CACNB4: variants seen among roughly 807,000 people sequenced by gnomAD.
CACNB4 encodes calcium voltage-gated channel auxiliary subunit beta 4.
A neutral mutation model predicts 71.2 loss-of-function variants in CACNB4; 32 were observed. The ratio of observed to expected loss-of-function variants is 0.45; its 90% CI spans 0.34 to 0.60. The LOEUF (loss-of-function observed/expected upper bound fraction) is 0.60, where lower values mean the gene tolerates loss of function less well. Ranked by LOEUF, CACNB4 falls within the 20% of genes least tolerant of loss-of-function variation. The pLI is 0.01. For synonymous variants in CACNB4, 231 were observed against 236.9 expected (o/e 0.97, Z 0.23); for missense variants, 464 against 647.9 (o/e 0.72, Z 3.08).
intron 2 of CACNB4, among the ~76,000 whole-genome samples, chr2:151,924,071 A>ATAT (rs2099859606): frequency 1.1e-5 from 1 of 94,682 alleles, no homozygotes; most frequent in Non-Finnish European, 2.7e-5. Context: ...CTATTCTGAA[A>ATAT]TCTTTTTTTT....
At chr2:152,017,433 C>A (rs1579135636) in intron 2 of CACNB4, among the ~76,000 whole-genome samples, 1 of 151,032 alleles carries the variant, frequency 6.6e-6, no homozygotes, top group Non-Finnish European at 1.5e-5. Context: ...ATGGGCCGGG[C>A]GCGGTGGCTC....
intron 2 of CACNB4, among the ~76,000 whole-genome samples, chr2:152,090,405 G>A (rs1385335795): frequency 6.6e-6 from 1 of 152,146 alleles, no homozygotes; most frequent in African/African-American, 2.4e-5. Flanking sequence ...TATAATCCCA[G>A]CACTTTGGGA....
chr2:151,885,090 C>T (rs2099849026), intron 2 of CACNB4, among the ~76,000 whole-genome samples: 2 of 152,200 alleles, frequency 1.3e-5, no homozygotes, highest in South Asian at 4.1e-4. Context: ...GCAAGGGTAG[C>T]ATAGATTTTC....
chr2:152,046,962 T>C (rs753482043), intron 2 of CACNB4, among the ~76,000 whole-genome samples: 4 of 152,156 alleles, frequency 2.6e-5, no homozygotes, highest in Admixed American at 6.6e-5. Context: ...TCAACATTAT[T>C]GAGATGGAGT....
chr2:151,970,569 T>C (rs537261156), intron 2 of CACNB4: 1 of 152,148 alleles, frequency 6.6e-6, no homozygotes, highest in East Asian at 1.9e-4. Context: ...ACACATAGTA[T>C]AGTGTACATG....
chr2:152,021,335 C>T (rs985136248), intron 2 of CACNB4, among the ~76,000 whole-genome samples: 2 of 152,056 alleles, frequency 1.3e-5, no homozygotes, highest in African/African-American at 4.8e-5. Flanking sequence ...CAGAAAAACA[C>T]ATAATCCATT....
chr2:151,833,123 A>AT lies in CACNB4; in HGVS notation c.*5995dup, dbSNP rs886054949. On this transcript the variant is annotated 3_prime_UTR_variant, in exon 14 of 14. Coordinates refer to ENST00000539935, the MANE Select transcript of CACNB4 (RefSeq NM_000726.5). ...AGAAAAAAAATTATTTGACAAAGGC[A>AT]TTTTTTATCCCACTTTGTCAATGGA... 16 of 152,154 alleles carry AT rather than the reference A, an allele frequency of 1.1e-4. No homozygotes were observed. Among genetic ancestry groups the AT allele is most frequent in the Non-Finnish European group, 1.0e-4 (7 of 67,968 alleles). 9.4% of individuals were successfully genotyped at this position (152,154 alleles called of 1,614,324 possible). A position where few individuals can be genotyped will look rare whatever the true frequency, so the allele number is the denominator to read the frequency against.
At chr2:152,068,033 G>A (rs1686446016) in intron 2 of CACNB4, among the ~76,000 whole-genome samples, 1 of 152,152 alleles carries the variant, frequency 6.6e-6, no homozygotes, top group Non-Finnish European at 1.5e-5. Flanking sequence ...CTGCAGCCAT[G>A]GGGCTGAAAA....
intron 2 of CACNB4, among the ~76,000 whole-genome samples, chr2:151,898,295 T>C (rs578147700): frequency 1.3e-5 from 2 of 152,370 alleles, no homozygotes; most frequent in East Asian, 1.9e-4. Flanking sequence ...TCAGCTGGGA[T>C]GGCTGTGGGT....
intron 2 of CACNB4, among the ~76,000 whole-genome samples, chr2:152,095,720 T>C (rs556250669): frequency 2.7e-4 from 41 of 152,312 alleles, no homozygotes; most frequent in African/African-American, 9.9e-4. Context: ...GGAGCAATAC[T>C]GGCTCACTGC....
At chr2:151,979,170 G>C (rs1206443508) in intron 2 of CACNB4, among the ~76,000 whole-genome samples, 1 of 152,092 alleles carries the variant, frequency 6.6e-6, no homozygotes, top group East Asian at 1.9e-4. Flanking sequence ...TCATGCCAAA[G>C]AGGCAAAAGA....
chr2:152,022,411 A>C (rs1042550684), intron 2 of CACNB4, among the ~76,000 whole-genome samples: 14 of 152,358 alleles, frequency 9.2e-5, no homozygotes, highest in African/African-American at 3.1e-4. Context: ...AGTGCTTCAG[A>C]GTGCTTTGCA....
chr2:152,056,811 T>C (rs893878036), intron 2 of CACNB4, among the ~76,000 whole-genome samples: 15 of 152,180 alleles, frequency 9.9e-5, no homozygotes, highest in African/African-American at 3.1e-4. Flanking sequence ...ATGGTGATTA[T>C]CCTATGGATA....
intron 2 of CACNB4, among the ~76,000 whole-genome samples, chr2:151,914,712 T>C (rs573739663): frequency 6.6e-6 from 1 of 152,326 alleles, no homozygotes; most frequent in Admixed American, 6.5e-5. Flanking sequence ...TTGTTTGTTT[T>C]TCTTTCAATA....
intron 10 of CACNB4, chr2:151,857,644 A>G (rs1404932104): frequency 6.6e-6 from 1 of 152,232 alleles, no homozygotes; most frequent in African/African-American, 2.4e-5. Context: ...GCTCCTGGCC[A>G]GGACTACATG....
chr2:151,928,608 G>A (rs1253369529), intron 2 of CACNB4, among the ~76,000 whole-genome samples: 1 of 152,148 alleles, frequency 6.6e-6, no homozygotes, highest in African/African-American at 2.4e-5. Flanking sequence ...TCTGTGCTTC[G>A]TTTGGTAAAT....
At position 152,098,628 on chromosome 2, in the gene CACNB4, C is replaced by A; in HGVS notation, c.64-215G>T. 6.4e-7 allele frequency: 1 copy of A among 1,564,314 alleles called. No homozygotes were observed. Among genetic ancestry groups the A allele is most frequent in the Non-Finnish European group, 8.7e-7 (1 of 1,153,626 alleles). Reference sequence around the variant, plus strand: ...GAAAAGATGCTCGAGAAGAGCAGCCCGCAAGCACCCACCACATCCATTAAC... The same window carrying A: ...GAAAAGATGCTCGAGAAGAGCAGCCAGCAAGCACCCACCACATCCATTAAC... On this transcript the variant is annotated intron_variant, in intron 1 of 13. Coordinates refer to ENST00000539935, the MANE Select transcript of CACNB4 (RefSeq NM_000726.5). This position sits in a 1 kb window ranked among gnomAD's most constrained non-coding sequence, Gnocchi z 5.3.
intron 5 of CACNB4, 35 bp downstream of exon 5, chr2:151,876,391 C>T (rs757706995): frequency 5.1e-6 from 8 of 1,574,122 alleles, no homozygotes; most frequent in African/African-American, 1.4e-5. Context: ...AATTTTCTGA[C>T]CAAAAAAAAG....
intron 2 of CACNB4, among the ~76,000 whole-genome samples, chr2:151,909,555 A>G (rs2099855675): frequency 6.6e-6 from 1 of 151,720 alleles, no homozygotes; most frequent in South Asian, 2.1e-4. Flanking sequence ...CCCACCCTCT[A>G]AGATCCCTCC....
Sources: gnomAD v4.1 joint callset for allele counts (sites outside exome capture counted in the v4.1 genomes callset) on GRCh38, gnomAD v4.1.1 for gene constraint, Gnocchi (gnomAD v3.1) non-coding constraint, MANE v1.5 for transcripts, NCBI Gene and HGNC (gene_info 2026-07-23, HGNC 2026-07-21) for gene names.